TCF12: variants seen among roughly 807,000 people sequenced by gnomAD.
The protein encoded by TCF12 is DNA-binding protein HTF4.
Under a neutral mutation model 86.0 loss-of-function variants are expected in TCF12, and 45 were observed. The observed-to-expected ratio is 0.52, with a 90% CI of 0.41 to 0.67. The LOEUF (loss-of-function observed/expected upper bound fraction) is 0.67, where lower values mean the gene tolerates loss of function less well. TCF12 is among the 30% of genes least tolerant of loss of function. TCF12 has a pLI of 0.00. For synonymous variants in TCF12, 330 were observed against 299.6 expected (o/e 1.10, Z -1.05); for missense variants, 881 against 859.9 (o/e 1.02, Z -0.31).
chr15:57,065,402 C>G (rs962188073), intron 4 of TCF12, among the ~76,000 whole-genome samples: 2 of 152,124 alleles, frequency 1.3e-5, no homozygotes, highest in Admixed American at 1.3e-4. Flanking sequence ...TTAAACGTTT[C>G]TGATTCTTTG....
intron 4 of TCF12, 61 bp from the exon 5 acceptor site, chr15:57,091,728 T>C: frequency 1.6e-6 from 2 of 1,233,900 alleles, no homozygotes; most frequent in Non-Finnish European, 2.4e-6. Context: ...AGTGTCATTA[T>C]GCTCAATTAG....
chr15:57,239,515 C>CAAAAAAAAAAAAAAAAAA (rs67591734), intron 12 of TCF12, among the ~76,000 whole-genome samples: 1 of 107,174 alleles, frequency 9.3e-6, no homozygotes, highest in East Asian at 2.6e-4. Flanking sequence ...GACTCCATCT[C>CAAAAAAAAAAAAAAAAAA]AAAAAAAAAA....
intron 5 of TCF12, among the ~76,000 whole-genome samples, chr15:57,148,183 C>T (rs529476258): frequency 2.5e-4 from 37 of 145,370 alleles, no homozygotes; most frequent in Non-Finnish European, 4.6e-4. Flanking sequence ...TTTACCAGGT[C>T]GATTTTTGTT....
chr15:56,992,072 A>G (rs574562361), intron 3 of TCF12, among the ~76,000 whole-genome samples: 1 of 151,696 alleles, frequency 6.6e-6, no homozygotes, highest in Admixed American at 6.6e-5. Context: ...TTGGCAATAC[A>G]GTGAGATCGT....
chr15:57,042,819 G>A (rs578011382), intron 3 of TCF12, among the ~76,000 whole-genome samples: 1 of 152,210 alleles, frequency 6.6e-6, no homozygotes, highest in East Asian at 1.9e-4. Flanking sequence ...TAAGTATTTA[G>A]TATGGTATTG....
chr15:57,008,506 C>G (rs1473464302), intron 3 of TCF12, among the ~76,000 whole-genome samples: 3 of 151,984 alleles, frequency 2.0e-5, no homozygotes, highest in African/African-American at 7.3e-5. Flanking sequence ...AGGCATGCAC[C>G]ACCATGCCTG....
At chr15:57,036,864 T>C (rs565047939) in intron 3 of TCF12, among the ~76,000 whole-genome samples, 3 of 152,172 alleles carry the variant, frequency 2.0e-5, no homozygotes, top group Non-Finnish European at 4.4e-5. Flanking sequence ...GAAGGACTTT[T>C]AAGGGAAGCA....
rs765920481 is a variant in TCF12 at position 57,252,428 on chromosome 15, G to A, written c.1196G>A (p.Arg399Gln). Residue 399 changes from arginine (R) to glutamine (Q), a missense_variant, in exon 15 of 21, where the codon CGA (arginine) becomes CAA (glutamine). Arg to Gln is a conservative substitution (Grantham distance 43, BLOSUM62 1). This residue lies in a region of TCF12 where 766 missense variants were observed against 718.9 expected (regional missense o/e 1.07). Transcript: ENST00000333725. ...CTGTCTTGACTTTGCCAGAAAAATCGAGTTGAGCAGCAACTTCACGAGCAT... is the reference window on the plus strand; with the variant it reads ...CTGTCTTGACTTTGCCAGAAAAATCAAGTTGAGCAGCAACTTCACGAGCAT... ...YENSLHSLKN[R>Q]VEQQLHEHLQ... is the part of the protein sequence containing the mutation. 12 of 1,613,648 alleles carry A rather than the reference G, an allele frequency of 7.4e-6. No individual in the cohort carries two copies. The highest frequency in any genetic ancestry group is 2.2e-5 in the South Asian group (2 of 91,046).
chr15:57,119,274 T>TTTTG (rs1248343156), intron 5 of TCF12, among the ~76,000 whole-genome samples: 1 of 151,522 alleles, frequency 6.6e-6, no homozygotes, highest in African/African-American at 2.4e-5. Flanking sequence ...GGTTTTGTTT[T>TTTTG]TTTGTTTGTT....
At chr15:57,270,455 C>T (rs1241101288) in intron 18 of TCF12, among the ~76,000 whole-genome samples, 3 of 152,144 alleles carry the variant, frequency 2.0e-5, no homozygotes, top group African/African-American at 7.2e-5. Context: ...TTTAGCCATT[C>T]GTCTAACCTT....
intron 3 of TCF12, among the ~76,000 whole-genome samples, chr15:57,000,279 A>G (rs1238085704): frequency 6.6e-6 from 1 of 151,452 alleles, no homozygotes; most frequent in Non-Finnish European, 1.5e-5. Context: ...GGCTGAAGCG[A>G]TCCTCTCGCC....
intron 4 of TCF12, among the ~76,000 whole-genome samples, chr15:57,086,556 G>T (rs926361869): frequency 1.8e-4 from 27 of 151,914 alleles, no homozygotes; most frequent in African/African-American, 6.5e-4. Context: ...AATTAAATAG[G>T]CAGTTTTAAT....
At chr15:57,047,119 A>G (rs1238176902) in intron 3 of TCF12, among the ~76,000 whole-genome samples, 2 of 152,236 alleles carry the variant, frequency 1.3e-5, no homozygotes, top group East Asian at 1.9e-4. Context: ...ATAAATTCAT[A>G]CTTAAGGAAA....
intron 8 of TCF12, among the ~76,000 whole-genome samples, chr15:57,222,489 T>C (rs1197927108): frequency 9.2e-5 from 14 of 151,912 alleles, no homozygotes. Flanking sequence ...TATGTAATTT[T>C]TGTGTAGCTG....
chr15:57,077,746 TA>T (rs369413643), intron 4 of TCF12, among the ~76,000 whole-genome samples: 5 of 148,542 alleles, frequency 3.4e-5, no homozygotes, highest in Non-Finnish European at 3.0e-5. Flanking sequence ...TGTAGTTTTT[TA>T]AAAAAAAAAA....
chr15:56,969,298 G>T (rs2062167410), intron 3 of TCF12, among the ~76,000 whole-genome samples: 1 of 152,124 alleles, frequency 6.6e-6, no homozygotes, highest in South Asian at 2.1e-4. Flanking sequence ...TGGCTGCTGT[G>T]TAGAGAATAG....
At chr15:56,921,237 GATTT>G (rs2059777705) in intron 3 of TCF12, 139 bp downstream of exon 3, 1 of 490,060 alleles carries the variant, frequency 2.0e-6, no homozygotes. Flanking sequence ...TAATTAGTAA[GATTT>G]ATTAATTTTA....
In TCF12 at chr15:57,192,166, C is replaced by A. The variant is rs778808673; in HGVS notation, c.399C>A (p.Leu133=). The A allele has an allele frequency of 2.5e-6, 4 of 1,613,822 alleles. No homozygotes were observed. In the South Asian group the frequency reaches 4.4e-5, roughly 18 times the overall value. Residue 133 remains leucine, a synonymous_variant, in exon 7 of 21, where the codon CTC becomes CTA. Transcript: ENST00000333725. ...DTGLPGCQSS[L]LRQDLGLGSP... ...TTGGCCTTATTTTATAGTCTAGTCT[C>A]CTGAGACAAGATCTGGGGCTTGGGA...
At chr15:57,219,438 C>G in intron 8 of TCF12, 1 of 1,521,882 alleles carries the variant, frequency 6.6e-7, no homozygotes. Context: ...GTACTGAAGA[C>G]TTACTCCCTT....
Sources: gnomAD v4.1 joint callset for allele counts (sites outside exome capture counted in the v4.1 genomes callset) on GRCh38, gnomAD v4.1.1 for gene constraint, gnomAD v4.1.1 regional missense constraint, MANE v1.5 for transcripts, NCBI Gene and HGNC (gene_info 2026-07-23, HGNC 2026-07-21) for gene names.